The following IGF2BP3 variants were observed in gnomAD, a reference collection of about 807,000 sequenced individuals.
IGF2BP3 encodes insulin like growth factor 2 mRNA binding protein 3.
In IGF2BP3, 9 loss-of-function variants were observed where a neutral mutation model predicts 73.8. The observed-to-expected ratio is 0.12, with a 90% CI of 0.07 to 0.21. IGF2BP3 has a LOEUF of 0.21. IGF2BP3 is among the 10% of genes least tolerant of loss of function. IGF2BP3 has a pLI of 1.00. For missense variants in IGF2BP3, 542 were observed against 714.0 expected (o/e 0.76, Z 2.75); for synonymous variants, 258 against 256.7 (o/e 1.01, Z -0.05).
At chr7:23,426,521 T>C (rs993821108) in intron 2 of IGF2BP3, among the ~76,000 whole-genome samples, 2 of 152,226 alleles carry the variant, frequency 1.3e-5, no homozygotes, top group Non-Finnish European at 2.9e-5. Flanking sequence ...GACTCTAGTC[T>C]TATAACCTAA....
At position 23,372,371 on chromosome 7, in the gene IGF2BP3, C is replaced by CT. The variant is rs539175686; in HGVS notation, c.286-10631dup. On this transcript the variant is annotated intron_variant, in intron 3 of 14. Coordinates refer to ENST00000258729, the MANE Select transcript of IGF2BP3 (RefSeq NM_006547.3). ...TACAGGTGTGAGCCACTGTGTCTGG[C>CT]TTACGTGAATAAGTTCTTTAGTGGT... Among the ~76,000 whole-genome samples the CT allele has an allele frequency of 1.2e-3, 189 of 152,298 alleles. 1 individual carries two copies. The highest frequency in any genetic ancestry group is 6.8e-3 in the Middle Eastern group (2 of 294).
intron 3 of IGF2BP3, among the ~76,000 whole-genome samples, chr7:23,376,846 G>C (rs1195878959): frequency 6.6e-6 from 1 of 152,120 alleles, no homozygotes; most frequent in East Asian, 1.9e-4. Flanking sequence ...AGCGAAACCT[G>C]TCTCAAAGAC....
rs773913828 is a variant in IGF2BP3, at chr7:23,390,451, G to C, written c.285+28325C>G. On this transcript the variant is annotated intron_variant, in intron 3 of 14. Transcript: ENST00000258729. The stretch of plus-strand genomic sequence containing the variant: ...TCTGTCCCTTGACTGACCAAGACAA[G>C]AAAACAGATGAAGCCACTGAGCTAC... 1.2e-4 allele frequency among the ~76,000 whole-genome samples: 18 copies of C among 151,750 alleles called. 1 individual carries two copies. The highest frequency in any genetic ancestry group is 1.1e-3 in the Admixed American group (17 of 15,244).
chr7:23,437,337 G>C (rs1308631490), intron 2 of IGF2BP3, among the ~76,000 whole-genome samples: 3 of 151,762 alleles, frequency 2.0e-5, no homozygotes, highest in African/African-American at 7.3e-5. Context: ...ACCAAAAGTA[G>C]CCAGGCATGG....
chr7:23,326,155 G>C (rs1041036993), intron 10 of IGF2BP3, among the ~76,000 whole-genome samples: 11 of 152,070 alleles, frequency 7.2e-5, no homozygotes, highest in Non-Finnish European at 1.5e-4. Flanking sequence ...GAAAATTTTC[G>C]CAACCTACTC....
At chr7:23,327,195 A>G (rs1420258839) in intron 10 of IGF2BP3, among the ~76,000 whole-genome samples, 1 of 152,126 alleles carries the variant, frequency 6.6e-6, no homozygotes, top group Non-Finnish European at 1.5e-5. Context: ...ATAATACTAT[A>G]AATTCAGCTC....
rs1788683826 is a variant in IGF2BP3, at chr7:23,470,192, G to A, written c.-82C>T. The stretch of plus-strand genomic sequence containing the variant: ...CCCACGGTGATGGATGGATCCAGCT[G>A]GTTTTGTTCCCCTCGTCTTCTCGCC... On this transcript the variant is annotated 5_prime_UTR_variant, in exon 1 of 15. Transcript: ENST00000258729. The A allele has an allele frequency of 8.6e-7, 1 of 1,165,040 alleles. No homozygotes were observed. The highest frequency in any genetic ancestry group is 1.2e-6 in the Non-Finnish European group (1 of 822,962). 72.2% of individuals were successfully genotyped at this position (1,165,040 alleles called of 1,614,324 possible). A position where few individuals can be genotyped will look rare whatever the true frequency, so the allele number is the denominator to read the frequency against.
At chr7:23,372,320 C>T (rs1269814563) in intron 3 of IGF2BP3, among the ~76,000 whole-genome samples, 2 of 152,002 alleles carry the variant, frequency 1.3e-5, no homozygotes, top group Admixed American at 1.3e-4. Flanking sequence ...TGATCTGCCC[C>T]CCCTGGCCTC....
intron 3 of IGF2BP3, among the ~76,000 whole-genome samples, chr7:23,418,112 G>A (rs1584020665): frequency 1.3e-5 from 2 of 152,092 alleles, no homozygotes; most frequent in East Asian, 3.8e-4. Context: ...AGTTAGTCTT[G>A]ATTTTTTTTA....
intron 3 of IGF2BP3, among the ~76,000 whole-genome samples, chr7:23,417,774 A>C (rs991873622): frequency 6.6e-6 from 1 of 152,242 alleles, no homozygotes; most frequent in African/African-American, 2.4e-5. Flanking sequence ...TGTTAATCTA[A>C]AACAGGAACA....
intron 3 of IGF2BP3, among the ~76,000 whole-genome samples, chr7:23,387,955 G>A (rs1464632981): frequency 6.6e-6 from 1 of 150,678 alleles, no homozygotes; most frequent in Non-Finnish European, 1.5e-5. Flanking sequence ...TCTTTTTTTT[G>A]AGATGGAGTC....
chr7:23,375,704 T>C (rs1287444376), intron 3 of IGF2BP3, among the ~76,000 whole-genome samples: 1 of 152,196 alleles, frequency 6.6e-6, no homozygotes, highest in Non-Finnish European at 1.5e-5. Flanking sequence ...TCCACGATTG[T>C]ATGGTCTCCA....
intron 7 of IGF2BP3, among the ~76,000 whole-genome samples, chr7:23,346,431 G>A (rs1309738075): frequency 6.6e-6 from 1 of 152,060 alleles, no homozygotes; most frequent in African/African-American, 2.4e-5. Flanking sequence ...TTTATAGAAG[G>A]AAACAGAAGA....
At chr7:23,424,338 A>G (rs922707327) in intron 2 of IGF2BP3, among the ~76,000 whole-genome samples, 16 of 151,802 alleles carry the variant, frequency 1.1e-4, no homozygotes, top group Admixed American at 3.9e-4. Context: ...TCTCTACTAA[A>G]AATACAAAAA....
At chr7:23,368,003 A>G (rs1785429497) in intron 3 of IGF2BP3, among the ~76,000 whole-genome samples, 1 of 146,420 alleles carries the variant, frequency 6.8e-6, no homozygotes, top group Non-Finnish European at 1.5e-5. Context: ...CCATCTATTT[A>G]AAAACAAAAA....
chr7:23,421,091 C>T (rs1326802834), intron 2 of IGF2BP3, among the ~76,000 whole-genome samples: 1 of 152,182 alleles, frequency 6.6e-6, no homozygotes, highest in Non-Finnish European at 1.5e-5. Context: ...CTCACTGCAG[C>T]CTCTGCCTCC....
intron 2 of IGF2BP3, among the ~76,000 whole-genome samples, chr7:23,445,452 A>C (rs1788036690): frequency 6.6e-6 from 1 of 151,676 alleles, no homozygotes; most frequent in South Asian, 2.1e-4. Flanking sequence ...CAGTGTAACT[A>C]AGTATTACTT....
rs149060007 is a variant in IGF2BP3, at chr7:23,437,074, G to A, written c.237-18250C>T. ...GCAGATGCTGCAGTGAGCTGAGATC[G>A]TGCGACTGCACTCCAGCCTGGGCGA... On this transcript the variant is annotated intron_variant, in intron 2 of 14. Transcript: ENST00000258729. 5.5e-3 allele frequency among the ~76,000 whole-genome samples: 831 copies of A among 152,158 alleles called. 2 individuals are homozygous for A. The highest frequency in any genetic ancestry group is 0.027 in the Middle Eastern group (8 of 294).
intron 3 of IGF2BP3, among the ~76,000 whole-genome samples, chr7:23,373,569 A>T (rs947886267): frequency 3.9e-5 from 6 of 152,228 alleles, no homozygotes; most frequent in Admixed American, 1.3e-4. Flanking sequence ...GTTGACACAG[A>T]TGTGGAAAAA....
Sources: gnomAD v4.1 joint callset for allele counts (sites outside exome capture counted in the v4.1 genomes callset) on GRCh38, gnomAD v4.1.1 for gene constraint, MANE v1.5 for transcripts, NCBI Gene and HGNC (gene_info 2026-07-23, HGNC 2026-07-21) for gene names.